NEXMIF: variants seen among roughly 807,000 people sequenced by gnomAD.
The protein encoded by NEXMIF is neurite extension and migration factor.
A neutral mutation model predicts 62.1 loss-of-function variants in NEXMIF; 8 were observed. That is an observed-to-expected ratio of 0.13 (90% CI 0.08 to 0.23). NEXMIF has a LOEUF of 0.23. Ranked by LOEUF, NEXMIF falls within the 10% of genes least tolerant of loss-of-function variation. The probability of loss-of-function intolerance (pLI) is 1.00; values close to 1 mark genes in which losing one functional copy is unlikely to be tolerated. For synonymous variants in NEXMIF, 404 were observed against 416.6 expected, an observed-to-expected ratio of 0.97 and a Z score of 0.37; for missense variants, 976 against 1,113.3, an observed-to-expected ratio of 0.88 and a Z score of 1.75.
intron 1 of NEXMIF, among the ~76,000 whole-genome samples, chrX:74,801,281 C>T (rs1162162453): frequency 4.5e-5 from 5 of 111,996 alleles, no homozygotes; most frequent in African/African-American, 1.6e-4. Context: ...ACTATAAACA[C>T]TCGTGCAGGT....
intron 1 of NEXMIF, among the ~76,000 whole-genome samples, chrX:74,874,647 T>C (rs1351638808): frequency 2.2e-5 from 2 of 92,011 alleles, no homozygotes; most frequent in Admixed American, 1.3e-4. Context: ...CTTCCATTTG[T>C]TTGTGTCCTC....
At chrX:74,876,646 C>A (rs751262525) in intron 1 of NEXMIF, among the ~76,000 whole-genome samples, 1 of 100,794 alleles carries the variant, frequency 9.9e-6, no homozygotes, top group African/African-American at 3.6e-5. Context: ...GTAGGTCACT[C>A]AGGACTTGCT....
At chrX:74,814,445 A>C (rs1183428225) in intron 1 of NEXMIF, among the ~76,000 whole-genome samples, 1 of 112,041 alleles carries the variant, frequency 8.9e-6, no homozygotes, top group Non-Finnish European at 1.9e-5. Context: ...GGGATCCACA[A>C]TAGTACTACA....
intron 1 of NEXMIF, among the ~76,000 whole-genome samples, chrX:74,819,344 T>C (rs1383908199): frequency 9.0e-6 from 1 of 111,483 alleles, no homozygotes; most frequent in Non-Finnish European, 1.9e-5. Flanking sequence ...GAGATCTAAT[T>C]AAACTTAAAG....
chrX:74,741,043 CTTT>C lies in NEXMIF; in HGVS notation c.3511_3513del (p.Lys1171del). 2 of 1,211,425 alleles carry C rather than the reference CTTT, an allele frequency of 1.7e-6. No homozygotes were observed. Among genetic ancestry groups the C allele is most frequent in the African/African-American group, 3.5e-5 (2 of 57,739 alleles). On this transcript the variant is annotated inframe_deletion, in exon 3 of 4. Transcript: ENST00000055682. ...GAACTTTTCTTTCTTGATTTTGACA[CTTT>C]GTTGTTGGTACTAATTTGACCAGAT...
intron 1 of NEXMIF, among the ~76,000 whole-genome samples, chrX:74,910,361 T>C (rs2080784756): frequency 8.9e-6 from 1 of 112,410 alleles, no homozygotes; most frequent in South Asian, 3.7e-4. Flanking sequence ...ACTGCCATGC[T>C]GGATTTTGGA....
intron 1 of NEXMIF, among the ~76,000 whole-genome samples, chrX:74,872,996 T>A (rs1357424234): frequency 1.8e-5 from 2 of 109,990 alleles, no homozygotes; most frequent in Admixed American, 9.8e-5. Flanking sequence ...TTAATTAATT[T>A]ATTATTATTA....
chrX:74,844,743 G>A (rs2080486180), intron 1 of NEXMIF, among the ~76,000 whole-genome samples: 2 of 112,313 alleles, frequency 1.8e-5, no homozygotes, highest in African/African-American at 6.5e-5. Context: ...TTTTGGAAGA[G>A]GTAATGCTAA....
intron 1 of NEXMIF, among the ~76,000 whole-genome samples, chrX:74,864,738 C>T (rs566996594): frequency 2.4e-4 from 26 of 109,353 alleles, no homozygotes; most frequent in South Asian, 1.6e-3. Flanking sequence ...GATGGAGTTT[C>T]GCTCTTGTTG....
rs1395125782 is a variant in NEXMIF at position 74,740,116 on chromosome X, A to G, written c.4441T>C (p.Ser1481Pro). Residue 1481 changes from serine to proline, a missense_variant, in exon 3 of 4, where the codon TCT becomes CCT. By Grantham distance (74) the Ser-to-Pro change is moderately conservative. Around this residue, in one of 5 missense-constraint regions of NEXMIF, gnomAD observed 137 missense variants for 128.9 expected, o/e 1.06. Transcript: ENST00000055682. Reference sequence around the variant, plus strand: ...CAGTATTACCTCAGTTTTTCAAAAGAAGCTGTCCCAGACTCATCCTTGTGG... The same window carrying G: ...CAGTATTACCTCAGTTTTTCAAAAGGAGCTGTCCCAGACTCATCCTTGTGG... ...QVHKDESGTA[S>P]FEKLRDSDYN... is the part of the protein sequence containing the mutation. 3.3e-6 allele frequency: 4 copies of G among 1,209,444 alleles called. No individual in the cohort carries two copies. The highest frequency in any genetic ancestry group is 2.2e-5 in the Admixed American group (1 of 45,809).
chrX:74,911,190 C>T (rs902191872), intron 1 of NEXMIF, among the ~76,000 whole-genome samples: 8 of 111,319 alleles, frequency 7.2e-5, no homozygotes, highest in Middle Eastern at 4.2e-3. Flanking sequence ...GAGGCCAAGG[C>T]GGGAAGATCA....
intron 1 of NEXMIF, among the ~76,000 whole-genome samples, chrX:74,787,457 C>T (rs2080264775): frequency 9.0e-6 from 1 of 110,989 alleles, no homozygotes; most frequent in Admixed American, 9.6e-5. Flanking sequence ...TTTCAGTTTC[C>T]CCAATTGTAA....
Position 74,743,945 on chromosome X carries a change from G to A in NEXMIF, c.612C>T (p.Leu204=). 1 of 1,210,905 alleles carries A rather than the reference G, an allele frequency of 8.3e-7. No homozygotes were observed. Among genetic ancestry groups the A allele is most frequent in the Non-Finnish European group, 1.1e-6 (1 of 895,071 alleles). ...TTGACTTATGCAGGGGGAAGCCTAG[G>A]AGCTGGTCTGAGAGCAGCTGCTCTC... ...KYGEQLLSDQ[L]LGFPLHKSRA... The change falls in exon 3 of 4, where the codon CTC becomes CTT. Residue 204 remains leucine, a synonymous_variant. Transcript: ENST00000055682.
intron 1 of NEXMIF, among the ~76,000 whole-genome samples, chrX:74,896,373 G>T (rs1202530043): frequency 8.9e-6 from 1 of 111,861 alleles, no homozygotes; most frequent in Non-Finnish European, 1.9e-5. Context: ...TGGCCAGTAG[G>T]TAATGCCACA....
chrX:74,747,546 A>G (rs1490242186), intron 1 of NEXMIF, among the ~76,000 whole-genome samples: 2 of 112,239 alleles, frequency 1.8e-5, no homozygotes, highest in East Asian at 2.8e-4. Context: ...AAAATACAGA[A>G]CAGCTGCCAC....
intron 1 of NEXMIF, among the ~76,000 whole-genome samples, chrX:74,836,339 CT>C (rs2080456437): frequency 8.9e-6 from 1 of 111,841 alleles, no homozygotes; most frequent in African/African-American, 3.3e-5. Context: ...ACTTTTCTGT[CT>C]GCTTTTCTCA....
At chrX:74,787,032 G>T (rs750653409) in intron 1 of NEXMIF, among the ~76,000 whole-genome samples, 4 of 106,278 alleles carry the variant, frequency 3.8e-5, no homozygotes, top group Non-Finnish European at 5.8e-5. Flanking sequence ...AGGCTGAGGC[G>T]GGCAGATCAC....
chrX:74,786,347 A>G (rs182205126), intron 1 of NEXMIF, among the ~76,000 whole-genome samples: 30 of 111,829 alleles, frequency 2.7e-4, no homozygotes, highest in African/African-American at 9.4e-4. Context: ...GGGTGGGTAT[A>G]CAAGTTGTCT....
chrX:74,754,071 C>T (rs2080152038), intron 1 of NEXMIF, among the ~76,000 whole-genome samples: 1 of 110,561 alleles, frequency 9.0e-6, no homozygotes, highest in South Asian at 3.8e-4. Context: ...AGGTGATTCT[C>T]CTGCCTCAGC....
Sources: allele counts gnomAD v4.1 joint callset (sites outside exome capture counted in the v4.1 genomes callset), GRCh38; gene constraint gnomAD v4.1.1; regional missense constraint gnomAD v4.1.1; transcripts MANE v1.5; gene names NCBI Gene and HGNC (gene_info 2026-07-23, HGNC 2026-07-21).